Variants in MEI4 observed in about 807,000 individuals in gnomAD.
MEI4 encodes the protein meiosis-specific protein MEI4.
In MEI4, 27 loss-of-function variants were observed where a neutral mutation model predicts 31.4. The observed-to-expected ratio is 0.86, with a 90% CI of 0.63 to 1.19. The LOEUF is 1.19. MEI4 is among the 50% of genes most tolerant of loss of function. The probability of loss-of-function intolerance (pLI) is 0.00; values close to 1 mark genes in which losing one functional copy is unlikely to be tolerated. For synonymous variants in MEI4, 122 were observed against 145.4 expected (o/e 0.84, Z 1.16); for missense variants, 329 against 398.9 (o/e 0.82, Z 1.49).
intron 4 of MEI4, among the ~76,000 whole-genome samples, chr6:77,832,477 T>G (rs912501487): frequency 2.0e-5 from 3 of 152,034 alleles, no homozygotes; most frequent in African/African-American, 7.2e-5. Context: ...TCATAAATAT[T>G]TACTGAGAAG....
chr6:77,681,890 T>C (rs1355366861), intron 1 of MEI4, among the ~76,000 whole-genome samples: 3 of 152,166 alleles, frequency 2.0e-5, no homozygotes, highest in Admixed American at 1.3e-4. Context: ...CCCTTAATAA[T>C]AAAAGTAGAA....
intron 4 of MEI4, among the ~76,000 whole-genome samples, chr6:77,829,297 CCATTGGTGACAG>C (rs1445434662): frequency 6.6e-6 from 1 of 152,074 alleles, no homozygotes; most frequent in African/African-American, 2.4e-5. Flanking sequence ...GCCAAAGATG[CCATTGGTGACAG>C]CAAAAGAGTG....
chr6:77,661,715 G>T (rs547213936), intron 1 of MEI4, among the ~76,000 whole-genome samples: 1 of 152,240 alleles, frequency 6.6e-6, no homozygotes, highest in South Asian at 2.1e-4. Context: ...TTGAAATGAC[G>T]ACAGAATAGA....
intron 2 of MEI4, among the ~76,000 whole-genome samples, chr6:77,758,169 A>G (rs1030763889): frequency 6.6e-6 from 1 of 151,800 alleles, no homozygotes; most frequent in Admixed American, 6.6e-5. Context: ...AAAAAAAAAA[A>G]AAAAGAAAGA....
rs537474568 is a variant in MEI4, at chr6:77,694,660, C to T, written c.232+3757C>T. Among the ~76,000 whole-genome samples the T allele has an allele frequency of 6.4e-3, 968 of 151,970 alleles. 12 individuals carry two copies. Among genetic ancestry groups the T allele is most frequent in the African/African-American group, 0.021 (850 of 41,390 alleles). On this transcript the variant is annotated intron_variant, in intron 2 of 4. Coordinates refer to ENST00000684080, the MANE Select transcript of MEI4 (RefSeq NM_001322247.2). ...GCCACATTTTCTTAATCCAGTCTAT[C>T]GTTGTTGGACATTTGGCTTGGTTCC...
chr6:77,686,123 G>A (rs185761860), intron 1 of MEI4, among the ~76,000 whole-genome samples: 26 of 152,246 alleles, frequency 1.7e-4, no homozygotes, highest in African/African-American at 6.0e-4. Context: ...TCTACCATGA[G>A]TGAAAGCCTC....
chr6:77,731,650 A>G (rs1309578433), intron 2 of MEI4, among the ~76,000 whole-genome samples: 5 of 151,046 alleles, frequency 3.3e-5, no homozygotes, highest in Admixed American at 2.0e-4. Context: ...CCATTTGTCA[A>G]TTTTGGCTTT....
intron 1 of MEI4, 100 bp from the exon 2 acceptor site, chr6:77,690,558 T>G (rs2127652236): frequency 2.0e-6 from 1 of 503,778 alleles, no homozygotes; most frequent in South Asian, 1.1e-4. Context: ...TATTATAAAC[T>G]TATTAATTAA....
At chr6:77,697,041 A>G (rs1432635207) in intron 2 of MEI4, among the ~76,000 whole-genome samples, 4 of 152,088 alleles carry the variant, frequency 2.6e-5, no homozygotes, top group Admixed American at 6.5e-5. Context: ...TAGATTTTCT[A>G]GTTTATTTGT....
At chr6:77,792,940 C>T (rs1467631835) in intron 3 of MEI4, among the ~76,000 whole-genome samples, 1 of 152,064 alleles carries the variant, frequency 6.6e-6, no homozygotes, top group Non-Finnish European at 1.5e-5. Flanking sequence ...TCTTGATCTC[C>T]TGACCTCGTG....
chr6:77,757,217 T>C (rs1767939368), intron 2 of MEI4, among the ~76,000 whole-genome samples: 1 of 152,222 alleles, frequency 6.6e-6, no homozygotes. Flanking sequence ...GTTTGTATAA[T>C]AAAATATGAA....
In MEI4 at chr6:77,924,168, A is replaced by AATC. The variant is rs1221977074; in HGVS notation, c.*825_*827dup. The AATC allele has an allele frequency of 6.6e-6, 1 of 151,948 alleles. No individual in the cohort carries two copies. Among genetic ancestry groups the AATC allele is most frequent in the East Asian group, 1.9e-4 (1 of 5,154 alleles). The allele number at this position is 151,948 out of a possible 1,614,324, so 9.4% of individuals were successfully genotyped here. A position where few individuals can be genotyped will look rare whatever the true frequency, so the allele number is the denominator to read the frequency against. ...TCATTGACTTCATTTCAATGATTAA[A>AATC]ATCATAACCGCAAACTTAATGAGCA... On this transcript the variant is annotated 3_prime_UTR_variant, in exon 5 of 5. Coordinates refer to ENST00000684080, the MANE Select transcript of MEI4 (RefSeq NM_001322247.2).
At chr6:77,788,662 A>G (rs2127694549) in intron 3 of MEI4, among the ~76,000 whole-genome samples, 1 of 152,262 alleles carries the variant, frequency 6.6e-6, no homozygotes, top group South Asian at 2.1e-4. Context: ...AATTGCTTCA[A>G]AGAGAATAAA....
chr6:77,706,527 A>G (rs1181400847), intron 2 of MEI4, among the ~76,000 whole-genome samples: 1 of 152,194 alleles, frequency 6.6e-6, no homozygotes, highest in Non-Finnish European at 1.5e-5. Flanking sequence ...TAAAATTTTG[A>G]TTAAATAAAT....
rs1450952759 is a variant in MEI4 at position 77,925,895 on chromosome 6, G to T, written c.*2549G>T. 1 of 150,464 alleles carries T rather than the reference G, an allele frequency of 6.6e-6. No homozygotes were observed. Among genetic ancestry groups the T allele is most frequent in the Non-Finnish European group, 1.5e-5 (1 of 67,690 alleles). 9.3% of individuals were successfully genotyped at this position (150,464 alleles called of 1,614,324 possible). A position where few individuals can be genotyped will look rare whatever the true frequency, so the allele number is the denominator to read the frequency against. ...TGTATAATAAATACCAAATAGCCAG[G>T]TACTTACCTAAGCATTTTACATATA... On this transcript the variant is annotated 3_prime_UTR_variant, in exon 5 of 5. Coordinates refer to ENST00000684080, the MANE Select transcript of MEI4 (RefSeq NM_001322247.2).
intron 2 of MEI4, among the ~76,000 whole-genome samples, chr6:77,711,951 TTAG>T (rs1766475202): frequency 6.6e-6 from 1 of 152,194 alleles, no homozygotes; most frequent in South Asian, 2.1e-4. Context: ...AGTCCTTAAA[TTAG>T]TAGTAATACT....
chr6:77,670,141 G>T (rs937065157), intron 1 of MEI4, among the ~76,000 whole-genome samples: 1 of 151,992 alleles, frequency 6.6e-6, no homozygotes, highest in African/African-American at 2.4e-5. Flanking sequence ...CTATTTATGG[G>T]AAATTTGTCT....
At position 77,666,708 on chromosome 6, in the gene MEI4, C is replaced by A. The variant is rs534636578; in HGVS notation, c.-15+13616C>A. Among the ~76,000 whole-genome samples, 3 of 152,158 alleles carry A rather than the reference C, an allele frequency of 2.0e-5. No individual in the cohort carries two copies. The East Asian group carries it at 5.8e-4, about 29-fold the overall frequency. On this transcript the variant is annotated intron_variant, in intron 1 of 4. Coordinates refer to ENST00000684080, the MANE Select transcript of MEI4 (RefSeq NM_001322247.2). ...CCGTTATGTTAGTCTTGCTTCTTTA[C>A]GATATATTTGAAATGATTTTTTATG...
intron 3 of MEI4, among the ~76,000 whole-genome samples, chr6:77,811,644 GGACA>G (rs1338203878): frequency 4.0e-5 from 6 of 151,812 alleles, no homozygotes; most frequent in African/African-American, 9.7e-5. Flanking sequence ...GTGTGGTGGT[GGACA>G]CCTTTAATCC....
Sources: gnomAD v4.1 joint callset for allele counts (sites outside exome capture counted in the v4.1 genomes callset) on GRCh38, gnomAD v4.1.1 for gene constraint, MANE v1.5 for transcripts, NCBI Gene and HGNC (gene_info 2026-07-23, HGNC 2026-07-21) for gene names.